The following DGLUCY variants were observed in gnomAD, a reference collection of about 807,000 sequenced individuals.
The protein encoded by DGLUCY is D-glutamate cyclase.
Under a neutral mutation model 58.5 loss-of-function variants are expected in DGLUCY, and 58 were observed. The observed-to-expected ratio is 0.99, with a 90% confidence interval of 0.80 to 1.23. The LOEUF (loss-of-function observed/expected upper bound fraction) is 1.23, where lower values mean the gene tolerates loss of function less well. Among genes scored for constraint, DGLUCY ranks in the 50% most tolerant of loss-of-function variants. The pLI, the probability that DGLUCY is intolerant of heterozygous loss-of-function variation, is 0.00. For missense variants in DGLUCY, 779 were observed against 784.7 expected (o/e 0.99, Z 0.09); for synonymous variants, 325 against 314.1 (o/e 1.03, Z -0.37).
At position 91,204,736 on chromosome 14, in the gene DGLUCY, T is replaced by C; in HGVS notation, c.1475T>C (p.Met492Thr). ...GVGDGGNELG[M>T]GKVKEAVRRH... Reference sequence around the variant, plus strand: ...GGTGATGGAGGCAACGAGCTTGGGATGGGTAAAGTCAAGGAGGCTGTGAGG... The same window carrying C: ...GGTGATGGAGGCAACGAGCTTGGGACGGGTAAAGTCAAGGAGGCTGTGAGG... The change falls in exon 12 of 14, where the codon ATG becomes ACG. Residue 492 changes from methionine to threonine, a missense_variant. Transcript: ENST00000256324. 6.2e-7 allele frequency: 1 copy of C among 1,614,024 alleles called. No homozygotes were observed. The highest frequency in any genetic ancestry group is 8.5e-7 in the Non-Finnish European group (1 of 1,179,982).
intron 8 of DGLUCY, among the ~76,000 whole-genome samples, 164 bp from the exon 9 acceptor site, chr14:91,188,746 G>A (rs745651334): frequency 2.4e-4 from 36 of 152,136 alleles, no homozygotes; most frequent in Admixed American, 5.9e-4. Context: ...GGAGGATCAC[G>A]TGAGCCCAGG....
chr14:91,178,573 A>G (rs1001339067), intron 7 of DGLUCY, among the ~76,000 whole-genome samples: 1 of 152,212 alleles, frequency 6.6e-6, no homozygotes, highest in East Asian at 1.9e-4. Context: ...TCTGACATCT[A>G]CCTGGTTTTG....
exon 1 of DGLUCY, chr14:91,060,639 C>G (rs946094126): frequency 6.4e-6 from 4 of 625,092 alleles, no homozygotes; most frequent in Admixed American, 9.0e-5. Context: ...CCGCTAGTAC[C>G]GCGCAACCAA....
At chr14:91,157,027 G>T (rs1258890351) in intron 1 of DGLUCY, among the ~76,000 whole-genome samples, 1 of 152,114 alleles carries the variant, frequency 6.6e-6, no homozygotes, top group African/African-American at 2.4e-5. Flanking sequence ...GAATGGCTGG[G>T]TGAATGGATA....
intron 3 of DGLUCY, among the ~76,000 whole-genome samples, chr14:91,166,931 C>T (rs1264488157): frequency 6.6e-6 from 1 of 152,042 alleles, no homozygotes; most frequent in South Asian, 2.1e-4. Context: ...ACAGTTGGCC[C>T]AACATGGGCC....
chr14:91,197,267 G>A (rs887530274), intron 10 of DGLUCY, among the ~76,000 whole-genome samples: 11 of 151,980 alleles, frequency 7.2e-5, no homozygotes, highest in Admixed American at 2.6e-4. Flanking sequence ...GCGCCTGGCC[G>A]CTAATTTTTT....
At chr14:91,144,233 G>A (rs572194064) in intron 1 of DGLUCY, among the ~76,000 whole-genome samples, 72 of 152,302 alleles carry the variant, frequency 4.7e-4, no homozygotes, top group Middle Eastern at 3.4e-3. Flanking sequence ...TCTACTGGCC[G>A]TTTGGTAACA....
At chr14:91,207,878 CT>C (rs1244897891) in intron 12 of DGLUCY, among the ~76,000 whole-genome samples, 1 of 152,114 alleles carries the variant, frequency 6.6e-6, no homozygotes, top group Non-Finnish European at 1.5e-5. Flanking sequence ...TCCCGAGTAG[CT>C]GGGATTACAG....
intron 1 of DGLUCY, among the ~76,000 whole-genome samples, chr14:91,102,374 G>A (rs2044502499): frequency 6.6e-6 from 1 of 152,126 alleles, no homozygotes. Context: ...TTTGTCTCAT[G>A]TCCAATAGTG....
chr14:91,085,788 C>T (rs766064752), intron 1 of DGLUCY, among the ~76,000 whole-genome samples: 4 of 152,042 alleles, frequency 2.6e-5, no homozygotes, highest in Admixed American at 6.6e-5. Context: ...AGGCTGGTCT[C>T]GAACTCCTGA....
At chr14:91,109,144 A>G (rs1314807291), upstream of DGLUCY, among the ~76,000 whole-genome samples, 3 of 152,162 alleles carry the variant, frequency 2.0e-5, no homozygotes, top group Non-Finnish European at 4.4e-5. Flanking sequence ...TGATTTTTGC[A>G]AAACAGGAAG....
At chr14:91,128,878 T>G (rs940917651) in intron 1 of DGLUCY, 2 of 151,996 alleles carry the variant, frequency 1.3e-5, no homozygotes, top group African/African-American at 2.4e-5. Flanking sequence ...CCCTGGTTAG[T>G]TGGCCTGAGT....
intron 1 of DGLUCY, among the ~76,000 whole-genome samples, chr14:91,131,181 C>G (rs2140198941): frequency 6.6e-6 from 1 of 152,244 alleles, no homozygotes; most frequent in South Asian, 2.1e-4. Context: ...AACTCCTGGC[C>G]TCAAGTGATC....
chr14:91,101,044 C>A (rs753913979), intron 1 of DGLUCY, among the ~76,000 whole-genome samples: 12 of 151,650 alleles, frequency 7.9e-5, no homozygotes, highest in Non-Finnish European at 1.6e-4. Context: ...CCACCCCAGC[C>A]TGGGCAACAG....
chr14:91,161,798 G>A (rs2048004161), intron 3 of DGLUCY, among the ~76,000 whole-genome samples: 1 of 128,114 alleles, frequency 7.8e-6, no homozygotes, highest in African/African-American at 3.0e-5. Flanking sequence ...AAAAGTAATT[G>A]CGATTTTTGC....
intron 1 of DGLUCY, among the ~76,000 whole-genome samples, chr14:91,137,622 C>T (rs2046419637): frequency 1.3e-5 from 2 of 151,224 alleles, no homozygotes; most frequent in Non-Finnish European, 2.9e-5. Flanking sequence ...GTCTTGATCT[C>T]CTGACCTCAT....
At chr14:91,199,967 G>A (rs2050453896) in intron 11 of DGLUCY, 62 bp downstream of exon 11, 1 of 1,597,704 alleles carries the variant, frequency 6.3e-7, no homozygotes, top group Non-Finnish European at 8.6e-7. Context: ...TTTTGTTGTT[G>A]TTGTTGTTAT....
At chr14:91,189,397 C>T (rs2049726186) in intron 9 of DGLUCY, among the ~76,000 whole-genome samples, 1 of 152,218 alleles carries the variant, frequency 6.6e-6, no homozygotes, top group African/African-American at 2.4e-5. Flanking sequence ...GTCCACCAGG[C>T]TCCAAAGCAT....
intron 1 of DGLUCY, among the ~76,000 whole-genome samples, chr14:91,086,690 T>C (rs2044227040): frequency 6.6e-6 from 1 of 152,218 alleles, no homozygotes; most frequent in South Asian, 2.1e-4. Flanking sequence ...TCAGATTCTC[T>C]ATCAGATCAG....
Sources: allele counts gnomAD v4.1 joint callset (sites outside exome capture counted in the v4.1 genomes callset), GRCh38; gene constraint gnomAD v4.1.1; transcripts MANE v1.5; gene names NCBI Gene and HGNC (gene_info 2026-07-23, HGNC 2026-07-21).